The following ZNF804B variants were observed in gnomAD, a reference collection of about 807,000 sequenced individuals.
ZNF804B encodes zinc finger 804B.
In ZNF804B, 80 loss-of-function variants were observed where a neutral mutation model predicts 101.4. The ratio of observed to expected loss-of-function variants is 0.79; its 90% CI spans 0.66 to 0.95. The LOEUF is 0.95. ZNF804B is among the 40% of genes least tolerant of loss of function. ZNF804B has a pLI of 0.00. For missense variants in ZNF804B, 1,673 were observed against 1,561.9 expected, an observed-to-expected ratio of 1.07 and a Z score of -1.20; for synonymous variants, 622 against 558.8, an observed-to-expected ratio of 1.11 and a Z score of -1.59.
At chr7:89,025,718 A>G (rs1326258422) in intron 1 of ZNF804B, among the ~76,000 whole-genome samples, 1 of 152,126 alleles carries the variant, frequency 6.6e-6, no homozygotes, top group Admixed American at 6.6e-5. Context: ...AAGTTCAGCT[A>G]TTATGTCTCA....
intron 1 of ZNF804B, among the ~76,000 whole-genome samples, chr7:88,933,439 C>T (rs1118616): frequency 2.0e-5 from 3 of 151,510 alleles, no homozygotes; most frequent in Admixed American, 6.6e-5. Context: ...TCATAGGCAG[C>T]GCAATCAAAC....
intron 1 of ZNF804B, among the ~76,000 whole-genome samples, chr7:89,030,349 C>T (rs1161084967): frequency 4.6e-5 from 7 of 152,084 alleles, no homozygotes; most frequent in Non-Finnish European, 8.8e-5. Context: ...GGATTCATGA[C>T]TATTGCTGTT....
intron 1 of ZNF804B, among the ~76,000 whole-genome samples, chr7:88,861,405 C>T (rs1013841455): frequency 2.0e-5 from 3 of 152,068 alleles, no homozygotes; most frequent in African/African-American, 7.2e-5. Context: ...TGAGGAAAGA[C>T]CTTAAGACAT....
intron 2 of ZNF804B, among the ~76,000 whole-genome samples, chr7:89,284,987 C>T (rs1009011657): frequency 1.5e-4 from 23 of 151,698 alleles, no homozygotes; most frequent in Admixed American, 1.5e-3. Context: ...TTACTTGAGC[C>T]CAGGAGAGCA....
chr7:88,977,284 C>G (rs1793629075), intron 1 of ZNF804B, among the ~76,000 whole-genome samples: 1 of 125,846 alleles, frequency 7.9e-6, no homozygotes. Flanking sequence ...TTCCTTCATC[C>G]TCTATTTTTT....
rs561518055 is a variant in ZNF804B at position 89,143,907 on chromosome 7, G to A, written c.109-74248G>A. Among the ~76,000 whole-genome samples the A allele has an allele frequency of 5.3e-5, 8 of 151,964 alleles. No homozygotes were observed. The South Asian group carries it at 1.7e-3, about 32-fold the overall frequency. On this transcript the variant is annotated intron_variant, in intron 1 of 3. Coordinates refer to ENST00000333190, the MANE Select transcript of ZNF804B (RefSeq NM_181646.5). ...ATTCTCTTCCCATTATTCTAACATG[G>A]GCTGGTGGCAATAGCCTTAAATTAA... is the stretch of plus-strand genomic sequence containing the variant.
At chr7:89,163,808 A>T (rs1482568329) in intron 1 of ZNF804B, among the ~76,000 whole-genome samples, 1 of 152,098 alleles carries the variant, frequency 6.6e-6, no homozygotes, top group Non-Finnish European at 1.5e-5. Flanking sequence ...ATAATTCTAA[A>T]TGCAGGTGTC....
At chr7:89,257,337 A>G (rs759881550) in intron 2 of ZNF804B, among the ~76,000 whole-genome samples, 35 of 152,172 alleles carry the variant, frequency 2.3e-4, no homozygotes, top group Admixed American at 1.3e-3. Flanking sequence ...TTGTTCCTTC[A>G]TAAAATACTA....
intron 1 of ZNF804B, among the ~76,000 whole-genome samples, chr7:88,833,128 T>C (rs533186751): frequency 9.9e-5 from 15 of 151,722 alleles, no homozygotes; most frequent in African/African-American, 3.6e-4. Flanking sequence ...TATATCCTCT[T>C]TCAATATTTC....
intron 1 of ZNF804B, among the ~76,000 whole-genome samples, chr7:88,992,377 G>C (rs1354036876): frequency 6.6e-6 from 1 of 151,980 alleles, no homozygotes; most frequent in Non-Finnish European, 1.5e-5. Flanking sequence ...TACCCATCTA[G>C]ATTACATTAT....
chr7:89,140,088 A>G (rs544437382), intron 1 of ZNF804B, among the ~76,000 whole-genome samples: 1 of 152,210 alleles, frequency 6.6e-6, no homozygotes, highest in East Asian at 1.9e-4. Flanking sequence ...TTAATCTTGT[A>G]GAGATCCACC....
At chr7:88,949,633 T>A (rs1793187624) in intron 1 of ZNF804B, among the ~76,000 whole-genome samples, 1 of 151,948 alleles carries the variant, frequency 6.6e-6, no homozygotes. Context: ...AAAAATACCT[T>A]ATATATTTGA....
At chr7:89,291,750 G>A (rs532110542) in intron 2 of ZNF804B, among the ~76,000 whole-genome samples, 1 of 152,160 alleles carries the variant, frequency 6.6e-6, no homozygotes, top group South Asian at 2.1e-4. Flanking sequence ...CCTAATCCTA[G>A]AGAAAGATAT....
At chr7:88,894,691 G>A (rs1194360039) in intron 1 of ZNF804B, among the ~76,000 whole-genome samples, 1 of 152,118 alleles carries the variant, frequency 6.6e-6, no homozygotes, top group Non-Finnish European at 1.5e-5. Flanking sequence ...GAAATGAGCT[G>A]TGAAGCCTCA....
At chr7:89,103,062 T>TGTTTG (rs1306999141) in intron 1 of ZNF804B, among the ~76,000 whole-genome samples, 1 of 135,174 alleles carries the variant, frequency 7.4e-6, no homozygotes, top group African/African-American at 2.9e-5. Context: ...TTTTTTTTTT[T>TGTTTG]TTTTTTTTTT....
At chr7:88,880,119 T>C (rs1448375757) in intron 1 of ZNF804B, among the ~76,000 whole-genome samples, 1 of 152,078 alleles carries the variant, frequency 6.6e-6, no homozygotes, top group Non-Finnish European at 1.5e-5. Context: ...GACAGTCTTA[T>C]GGAATTAGTT....
chr7:89,093,534 A>G (rs1232675892), intron 1 of ZNF804B, among the ~76,000 whole-genome samples: 2 of 152,264 alleles, frequency 1.3e-5, no homozygotes, highest in Non-Finnish European at 2.9e-5. Flanking sequence ...GTAAAGTTTC[A>G]TGAATTGACC....
At chr7:89,322,376 T>C (rs1790834431) in intron 2 of ZNF804B, among the ~76,000 whole-genome samples, 1 of 152,190 alleles carries the variant, frequency 6.6e-6, no homozygotes, top group Admixed American at 6.6e-5. Flanking sequence ...CCTGACATCA[T>C]GCAGAATATG....
chr7:88,850,270 C>G (rs1356718512), intron 1 of ZNF804B, among the ~76,000 whole-genome samples: 1 of 151,914 alleles, frequency 6.6e-6, no homozygotes, highest in Non-Finnish European at 1.5e-5. Context: ...GAGAGGGAAC[C>G]CAGGTAGAGC....
Sources: allele counts gnomAD v4.1 joint callset (sites outside exome capture counted in the v4.1 genomes callset), GRCh38; gene constraint gnomAD v4.1.1; transcripts MANE v1.5; gene names NCBI Gene and HGNC (gene_info 2026-07-23, HGNC 2026-07-21).